The following GRIK2 variants were observed in gnomAD, a reference collection of about 807,000 sequenced individuals.
The protein encoded by GRIK2 is glutamate receptor ionotropic, kainate 2.
In GRIK2, 32 loss-of-function variants were observed where a neutral mutation model predicts 100.3. That is an observed-to-expected ratio of 0.32 (90% confidence interval 0.24 to 0.43). GRIK2 has a LOEUF of 0.43. GRIK2 is among the 20% of genes least tolerant of loss of function. The probability of loss-of-function intolerance (pLI) is 1.00; values close to 1 mark genes in which losing one functional copy is unlikely to be tolerated. For synonymous variants in GRIK2, 417 were observed against 389.4 expected (o/e 1.07, Z -0.83); for missense variants, 843 against 1,114.9 (o/e 0.76, Z 3.47).
At chr6:101,777,593 ATTT>A (rs368249616) in intron 7 of GRIK2, among the ~76,000 whole-genome samples, 1 of 151,726 alleles carries the variant, frequency 6.6e-6, no homozygotes, top group Non-Finnish European at 1.5e-5. Flanking sequence ...GGCAATAGGG[ATTT>A]TTTTTTATTA....
At chr6:101,498,908 A>C (rs1242820092) in intron 2 of GRIK2, among the ~76,000 whole-genome samples, 1 of 152,086 alleles carries the variant, frequency 6.6e-6, no homozygotes, top group Non-Finnish European at 1.5e-5. Context: ...TTTTGTTGCC[A>C]TTGCTTTTGG....
chr6:101,837,208 T>C (rs1189470411), intron 10 of GRIK2, among the ~76,000 whole-genome samples: 14 of 152,260 alleles, frequency 9.2e-5, no homozygotes, highest in Middle Eastern at 3.4e-3. Flanking sequence ...AGGTCTCACA[T>C]CCAGACATTC....
intron 2 of GRIK2, among the ~76,000 whole-genome samples, chr6:101,445,980 C>A (rs62419573): frequency 0.015 from 2,346 of 152,170 alleles, 25 homozygotes; most frequent in Non-Finnish European, 0.026. Context: ...ACATCTCATG[C>A]TTTACCACCT....
chr6:101,483,106 TCTTA>T (rs771929383), intron 2 of GRIK2, among the ~76,000 whole-genome samples: 20 of 152,266 alleles, frequency 1.3e-4, no homozygotes, highest in African/African-American at 2.6e-4. Flanking sequence ...ATTGTGGCAG[TCTTA>T]CTTTTTTTTA....
chr6:101,459,787 T>TG, intron 2 of GRIK2, among the ~76,000 whole-genome samples: 1 of 152,084 alleles, frequency 6.6e-6, no homozygotes, highest in Non-Finnish European at 1.5e-5. Flanking sequence ...TTGCTTTTTT[T>TG]TTTTTTAGAC....
chr6:101,902,700 A>T (rs1241677813), intron 12 of GRIK2, among the ~76,000 whole-genome samples: 1 of 151,848 alleles, frequency 6.6e-6, no homozygotes, highest in Non-Finnish European at 1.5e-5. Flanking sequence ...TTACATGGAA[A>T]TTTTTTTAAC....
chr6:101,581,601 G>A (rs375845730), intron 2 of GRIK2, among the ~76,000 whole-genome samples: 1 of 152,078 alleles, frequency 6.6e-6, no homozygotes, highest in Admixed American at 6.6e-5. Context: ...TATTCTGTGA[G>A]AATTTACTGA....
chr6:101,517,381 C>T (rs1434978452), intron 2 of GRIK2, among the ~76,000 whole-genome samples: 2 of 152,108 alleles, frequency 1.3e-5, no homozygotes, highest in Non-Finnish European at 2.9e-5. Flanking sequence ...AAATGGGGTG[C>T]TCCTGCACCC....
chr6:101,616,514 A>G (rs1171548632), intron 2 of GRIK2, among the ~76,000 whole-genome samples: 6 of 151,826 alleles, frequency 4.0e-5, no homozygotes, highest in Non-Finnish European at 7.4e-5. Flanking sequence ...AATATATAGT[A>G]TTTTATTAAG....
chr6:101,616,391 A>C (rs183210883), intron 2 of GRIK2, among the ~76,000 whole-genome samples: 37 of 151,918 alleles, frequency 2.4e-4, no homozygotes, highest in African/African-American at 8.2e-4. Context: ...TCAAATGCCT[A>C]TCATCTAAAA....
chr6:101,763,105 C>T (rs966828581), intron 7 of GRIK2, among the ~76,000 whole-genome samples: 1 of 152,146 alleles, frequency 6.6e-6, no homozygotes, highest in African/African-American at 2.4e-5. Flanking sequence ...TTTCAAAGAA[C>T]ATCAAGGCCA....
intron 2 of GRIK2, among the ~76,000 whole-genome samples, chr6:101,474,974 A>G (rs1178553089): frequency 1.3e-5 from 2 of 151,810 alleles, no homozygotes; most frequent in Non-Finnish European, 2.9e-5. Context: ...TCTTCTTCCC[A>G]TAGTCCCATC....
intron 2 of GRIK2, among the ~76,000 whole-genome samples, chr6:101,549,440 G>T (rs1289990362): frequency 6.6e-6 from 1 of 151,866 alleles, no homozygotes; most frequent in African/African-American, 2.4e-5. Context: ...ATCTTTCTTT[G>T]GCTCTTTTAG....
chr6:101,908,909 A>G (rs1788436934), intron 12 of GRIK2, among the ~76,000 whole-genome samples: 1 of 151,304 alleles, frequency 6.6e-6, no homozygotes, highest in South Asian at 2.1e-4. Flanking sequence ...TATACATAAG[A>G]TAACTGAGGC....
At chr6:101,857,068 A>G (rs1265469934) in intron 10 of GRIK2, among the ~76,000 whole-genome samples, 1 of 152,194 alleles carries the variant, frequency 6.6e-6, no homozygotes, top group East Asian at 1.9e-4. Context: ...AGCCTGGTCT[A>G]GCAGGGTGGA....
chr6:101,417,471 T>C (rs2128239435), intron 2 of GRIK2, among the ~76,000 whole-genome samples: 1 of 152,338 alleles, frequency 6.6e-6, no homozygotes, highest in African/African-American at 2.4e-5. Flanking sequence ...ATTCTAGGTG[T>C]TGCTGCTCTG....
intron 14 of GRIK2, among the ~76,000 whole-genome samples, chr6:102,017,968 T>C (rs1769208740): frequency 6.6e-6 from 1 of 152,182 alleles, no homozygotes; most frequent in Non-Finnish European, 1.5e-5. Context: ...AAAATAATCA[T>C]AGTTTTTAGG....
chr6:101,970,363 G>C (rs1792967309), intron 14 of GRIK2, among the ~76,000 whole-genome samples: 3 of 152,012 alleles, frequency 2.0e-5, no homozygotes, highest in Non-Finnish European at 2.9e-5. Context: ...AGTGTTATTA[G>C]ACAACAAATT....
intron 2 of GRIK2, among the ~76,000 whole-genome samples, chr6:101,557,023 A>AG (rs1379357482): frequency 1.3e-5 from 2 of 152,116 alleles, no homozygotes; most frequent in East Asian, 1.9e-4. Flanking sequence ...AGCTGTTTAA[A>AG]AAAAAACTCT....
Sources: gnomAD v4.1 joint callset for allele counts (sites outside exome capture counted in the v4.1 genomes callset) on GRCh38, gnomAD v4.1.1 for gene constraint, MANE v1.5 for transcripts, NCBI Gene and HGNC (gene_info 2026-07-23, HGNC 2026-07-21) for gene names.